Variants in TRRAP observed in about 807,000 individuals in gnomAD.
The protein encoded by TRRAP is transformation/transcription domain associated protein.
Under a neutral mutation model 438.8 loss-of-function variants are expected in TRRAP, and 41 were observed. The ratio of observed to expected loss-of-function variants is 0.09; its 90% CI spans 0.07 to 0.12. TRRAP has a LOEUF of 0.12. Among genes scored for constraint, TRRAP ranks in the 10% least tolerant of loss-of-function variants. TRRAP has a pLI of 1.00. For synonymous variants in TRRAP, 1,994 were observed against 1,962.9 expected, an observed-to-expected ratio of 1.02 and a Z score of -0.42; for missense variants, 3,122 against 5,055.1, an observed-to-expected ratio of 0.62 and a Z score of 11.60.
intron 47 of TRRAP, among the ~76,000 whole-genome samples, chr7:98,963,008 G>A (rs41637): frequency 0.3 from 45,401 of 152,040 alleles, 11,320 homozygotes; most frequent in African/African-American, 0.69. Flanking sequence ...CTCCTTTATT[G>A]CATATTCATT....
Position 98,947,105 on chromosome 7 carries a change from C to T in TRRAP, c.4549-1116C>T, listed in dbSNP as rs59466550. Among the ~76,000 whole-genome samples the T allele has an allele frequency of 4.8e-3, 734 of 152,358 alleles. 4 individuals are homozygous for T. The highest frequency in any genetic ancestry group is 0.012 in the African/African-American group (479 of 41,594). On this transcript the variant is annotated intron_variant, in intron 33 of 72. Transcript: ENST00000456197. ...ATCATCCCCTTCTTACCCCGAGGAT[C>T]GCAGCGCGCACAGCGCAGCACGGCA... is the stretch of plus-strand genomic sequence containing the variant.
In TRRAP at chr7:98,922,706, C is replaced by T. The variant is rs543050513; in HGVS notation, c.2823+753C>T. 2.6e-5 allele frequency among the ~76,000 whole-genome samples: 4 copies of T among 152,204 alleles called. No individual in the cohort carries two copies. In the South Asian group the frequency reaches 8.3e-4, roughly 32 times the overall value. ...ATATTATCGTAATGTTTGAGCGGAT[C>T]CACGTGAGTTGGGCATTTCAGTAAG... On this transcript the variant is annotated intron_variant, in intron 21 of 72. Transcript: ENST00000456197.
chr7:98,962,606 C>A (rs1333618228), intron 47 of TRRAP, among the ~76,000 whole-genome samples, 179 bp downstream of exon 47: 1 of 152,244 alleles, frequency 6.6e-6, no homozygotes, highest in East Asian at 1.9e-4. Context: ...AGACTGCATC[C>A]CCCTTCGCCG....
intron 56 of TRRAP, among the ~76,000 whole-genome samples, chr7:98,977,448 TG>T (rs1792714382): frequency 6.6e-6 from 1 of 152,218 alleles, no homozygotes; most frequent in African/African-American, 2.4e-5. Flanking sequence ...TATGAGCCAC[TG>T]CGCCTGGCCC....
rs557422508 is a variant in TRRAP at position 98,904,351 on chromosome 7, C to T, written c.1036+834C>T. On this transcript the variant is annotated intron_variant, in intron 12 of 72. Coordinates refer to ENST00000456197, the MANE Select transcript of TRRAP (RefSeq NM_001375524.1). ...ACAAAAAATTAGCCAGGCGTGGTGG[C>T]GGGCACCTGTAGTCCCAGCTGCTTG... Among the ~76,000 whole-genome samples the T allele has an allele frequency of 8.6e-5, 13 of 151,832 alleles. No homozygotes were observed. The South Asian group carries it at 1.3e-3, about 15-fold the overall frequency.
intron 19 of TRRAP, 105 bp from the exon 20 acceptor site, chr7:98,917,318 T>C (rs530730222): frequency 6.7e-7 from 1 of 1,482,956 alleles, no homozygotes; most frequent in African/African-American, 1.4e-5. Context: ...CCTGCAGTTG[T>C]GCTGATGTGC....
At chr7:98,992,679 G>T (rs1052657796) in intron 65 of TRRAP, among the ~76,000 whole-genome samples, 1 of 152,150 alleles carries the variant, frequency 6.6e-6, no homozygotes, top group Non-Finnish European at 1.5e-5. Context: ...CACAGTGTAA[G>T]ACTTTTAATC....
chr7:98,951,249 T>C (rs781993678), intron 39 of TRRAP, among the ~76,000 whole-genome samples: 3 of 152,216 alleles, frequency 2.0e-5, no homozygotes, highest in Non-Finnish European at 4.4e-5. Context: ...CATTAATAGA[T>C]TTAGTCAGAA....
At chr7:98,992,770 T>A (rs937724859) in intron 65 of TRRAP, among the ~76,000 whole-genome samples, 1 of 152,166 alleles carries the variant, frequency 6.6e-6, no homozygotes, top group African/African-American at 2.4e-5. Flanking sequence ...CTTTAAATAA[T>A]GAGACGACCG....
At chr7:98,977,148 T>C in intron 56 of TRRAP, 72 bp downstream of exon 56, 2 of 1,593,482 alleles carry the variant, frequency 1.3e-6, no homozygotes, top group Non-Finnish European at 1.7e-6. Context: ...TAATAAAATG[T>C]CCTCAAGTCG....
intron 44 of TRRAP, 94 bp downstream of exon 44, chr7:98,958,185 A>C (rs879996812): frequency 4.9e-5 from 54 of 1,099,036 alleles, no homozygotes; most frequent in Non-Finnish European, 7.0e-5. Flanking sequence ...TTCATCAAAA[A>C]AGATACAGAC....
At chr7:98,979,994 T>A (rs1206803456) in intron 58 of TRRAP, among the ~76,000 whole-genome samples, 6 of 152,050 alleles carry the variant, frequency 3.9e-5, no homozygotes, top group Non-Finnish European at 8.8e-5. Context: ...TAACTGAGGG[T>A]AGGTGTTGTA....
intron 3 of TRRAP, among the ~76,000 whole-genome samples, chr7:98,888,866 C>T (rs183202414): frequency 6.6e-6 from 1 of 152,238 alleles, no homozygotes; most frequent in Non-Finnish European, 1.5e-5. Flanking sequence ...CTTCCTTCTG[C>T]TGCTGCCTCC....
At position 98,994,624 on chromosome 7, in the gene TRRAP, A is replaced by T. The variant is rs555736346; in HGVS notation, c.10085A>T (p.Tyr3362Phe). Residue 3362 changes from tyrosine (Y) to phenylalanine (F), a missense_variant, in exon 67 of 73, where the codon TAC (tyrosine) becomes TTC (phenylalanine). Around this residue, in one of 24 missense-constraint regions of TRRAP, gnomAD observed 107 missense variants for 327.5 expected, o/e 0.33. Transcript: ENST00000456197. The surrounding 1 kb of genome is among the most constrained non-coding windows in gnomAD (Gnocchi z 4.8). ...RQLQQGLAKCYSVAFEKSGAV... is the reference protein window; with the variant it reads ...RQLQQGLAKCFSVAFEKSGAV... Reference sequence around the variant, plus strand: ...CTCCAACAGGGCCTGGCGAAATGTTACTCCGTGGCGTTTGAGAAAAGTGGA... The same window carrying T: ...CTCCAACAGGGCCTGGCGAAATGTTTCTCCGTGGCGTTTGAGAAAAGTGGA... The T allele has an allele frequency of 6.2e-7, 1 of 1,614,040 alleles. No homozygotes were observed. Among genetic ancestry groups the T allele is most frequent in the Non-Finnish European group, 8.5e-7 (1 of 1,180,032 alleles).
At chr7:98,993,799 C>A in intron 66 of TRRAP, 62 bp downstream of exon 66, 3 of 1,524,156 alleles carry the variant, frequency 2.0e-6, no homozygotes, top group Admixed American at 3.4e-5. Context: ...GTTCTGTATG[C>A]TTCTGTGGCT....
chr7:98,968,942 G>A (rs953754299), intron 51 of TRRAP, among the ~76,000 whole-genome samples: 6 of 152,176 alleles, frequency 3.9e-5, no homozygotes, highest in African/African-American at 9.6e-5. Flanking sequence ...AAAGACAGAC[G>A]ACATATTGGC....
At chr7:99,004,917 C>T (rs1457669779) in intron 68 of TRRAP, among the ~76,000 whole-genome samples, 12 of 152,232 alleles carry the variant, frequency 7.9e-5, no homozygotes. Context: ...AGCTCTCCCT[C>T]CTCCTTGACT....
intron 45 of TRRAP, among the ~76,000 whole-genome samples, 157 bp from the exon 46 acceptor site, chr7:98,961,104 C>T (rs1307495951): frequency 1.3e-5 from 2 of 152,100 alleles, no homozygotes; most frequent in Non-Finnish European, 2.9e-5. Context: ...ATAAAGTAAT[C>T]ATTCTTGTGA....
At position 99,013,116 on chromosome 7, in the gene TRRAP, A is replaced by G. The variant is rs1794493664; in HGVS notation, c.*761A>G. 6.6e-6 allele frequency: 1 copy of G among 152,226 alleles called. No individual in the cohort carries two copies. The highest frequency in any genetic ancestry group is 2.4e-5 in the African/African-American group (1 of 41,454). 9.4% of individuals were successfully genotyped at this position (152,226 alleles called of 1,614,324 possible). ...TCCTAATTTAAAAAGACAAAACAGA[A>G]ATGTACGTTCCTTCGCTAGCTTTAG... On this transcript the variant is annotated 3_prime_UTR_variant, in exon 73 of 73. Coordinates refer to ENST00000456197, the MANE Select transcript of TRRAP (RefSeq NM_001375524.1).
Sources: allele counts gnomAD v4.1 joint callset (sites outside exome capture counted in the v4.1 genomes callset), GRCh38; gene constraint gnomAD v4.1.1; regional missense constraint gnomAD v4.1.1; non-coding constraint Gnocchi (gnomAD v3.1); transcripts MANE v1.5; gene names NCBI Gene and HGNC (gene_info 2026-07-23, HGNC 2026-07-21).